CCNI2: variants seen among roughly 807,000 people sequenced by gnomAD.
CCNI2 encodes cyclin I family member 2, also known as cyclin-I2.
Under a neutral mutation model 33.2 loss-of-function variants are expected in CCNI2, and 32 were observed. The observed-to-expected ratio is 0.96, with a 90% CI of 0.73 to 1.30. CCNI2 has a LOEUF of 1.30. CCNI2 is among the 50% of genes most tolerant of loss of function. The pLI is 0.00. For missense variants in CCNI2, 452 were observed against 486.2 expected (o/e 0.93, Z 0.66); for synonymous variants, 231 against 219.9 (o/e 1.05, Z -0.45).
At chr5:132,751,023 C>G in intron 4 of CCNI2, 26 bp downstream of exon 4, 1 of 1,606,876 alleles carries the variant, frequency 6.2e-7, no homozygotes, top group Non-Finnish European at 8.5e-7. Context: ...TTTACAGAGT[C>G]TACCCTAAAC....
In CCNI2 at chr5:132,751,977, G is replaced by A; in HGVS notation, c.786G>A (p.Leu262=). The A allele has an allele frequency of 6.2e-7, 1 of 1,610,910 alleles. No individual in the cohort carries two copies. Among genetic ancestry groups the A allele is most frequent in the Non-Finnish European group, 8.5e-7 (1 of 1,178,776 alleles). The change falls in exon 5 of 6, where the codon CTG becomes CTA. Residue 262 remains leucine, a synonymous_variant. Transcript: ENST00000378731. ...ACCATGGTCTCCAGTTCCATGCCCT[G>A]GTGGTCCTGAGCTGGCCCCATGTGT... The part of the protein sequence containing the change: ...PLDFLTIFHA[L]VVLSWPHVLE...
chr5:132,750,975 C>T lies in CCNI2; in HGVS notation c.752C>T (p.Thr251Met), dbSNP rs749993881. The change falls in exon 4 of 6, where the codon ACG becomes ATG. Residue 251 changes from threonine (T) to methionine (M), a missense_variant. By Grantham distance (81) the Thr-to-Met change is moderately conservative. Transcript: ENST00000378731. ...DRLHWDLYIG[T>M]PLDFLTIFHA... ...CTGCACTGGGACCTCTATATTGGGACGCCGCTGGACTTCTTGACTATAGTG... is the reference window on the plus strand; with the variant it reads ...CTGCACTGGGACCTCTATATTGGGATGCCGCTGGACTTCTTGACTATAGTG... The T allele has an allele frequency of 2.9e-5, 47 of 1,613,904 alleles. No homozygotes were observed. Among genetic ancestry groups the T allele is most frequent in the Admixed American group, 1.8e-4 (11 of 59,940 alleles).
At chr5:132,752,766 T>C (rs1296232524) in intron 5 of CCNI2, 100 bp from the exon 6 acceptor site, 5 of 980,560 alleles carry the variant, frequency 5.1e-6, no homozygotes, top group Non-Finnish European at 7.8e-6. Context: ...TGGTTGGACC[T>C]TCCTGAACTT....
chr5:132,747,949 T>C lies in CCNI2; in HGVS notation c.429+25T>C. 7.3e-7 allele frequency: 1 copy of C among 1,362,298 alleles called. No homozygotes were observed. Among genetic ancestry groups the C allele is most frequent in the South Asian group, 1.8e-5 (1 of 56,848 alleles). The allele number at this position is 1,362,298 out of a possible 1,614,324, so 84.4% of individuals were successfully genotyped here. A position where few individuals can be genotyped will look rare whatever the true frequency, so the allele number is the denominator to read the frequency against. ...GGTACCCGTCGCTGCCGCGTGGCCC[T>C]CCTCGCGCGTGCACGGCAGGCGGAT... On this transcript the variant is annotated intron_variant, in intron 1 of 5. Transcript: ENST00000378731. The surrounding 1 kb of genome is among the most constrained non-coding windows in gnomAD (Gnocchi z 4.1).
At position 132,747,930 on chromosome 5, in the gene CCNI2, C is replaced by A; in HGVS notation, c.429+6C>A. On this transcript the variant is annotated splice_donor_region_variant and intron_variant, in intron 1 of 5. Coordinates refer to ENST00000378731, the MANE Select transcript of CCNI2 (RefSeq NM_001039780.4). This position sits in a 1 kb window ranked among gnomAD's most constrained non-coding sequence, Gnocchi z 4.1. Reference sequence around the variant, plus strand: ...GGCGGGGCGGCAAACCCCAGGTACCCGTCGCTGCCGCGTGGCCCTCCTCGC... The same window carrying A: ...GGCGGGGCGGCAAACCCCAGGTACCAGTCGCTGCCGCGTGGCCCTCCTCGC... 4 of 1,372,148 alleles carry A rather than the reference C, an allele frequency of 2.9e-6. No homozygotes were observed. Among genetic ancestry groups the A allele is most frequent in the South Asian group, 1.7e-5 (1 of 58,914 alleles). 85.0% of individuals were successfully genotyped at this position (1,372,148 alleles called of 1,614,324 possible).
intron 2 of CCNI2, 105 bp downstream of exon 2, chr5:132,748,580 G>C: frequency 7.0e-7 from 1 of 1,432,996 alleles, no homozygotes; most frequent in East Asian, 2.3e-5. Context: ...TCAAAACCAA[G>C]GTGTATAAAC....
At position 132,753,541 on chromosome 5, in the gene CCNI2, CCCTTTA is replaced by C. The variant is rs1755044991; in HGVS notation, c.*573_*578del. The stretch of plus-strand genomic sequence containing the variant: ...CAACCATGGCTATGACTTATGTCTT[CCCTTTA>C]CAAGGACTGGATTATAAAGTATGCT... On this transcript the variant is annotated 3_prime_UTR_variant, in exon 6 of 6. Coordinates refer to ENST00000378731, the MANE Select transcript of CCNI2 (RefSeq NM_001039780.4). 6.5e-6 allele frequency: 1 copy of C among 153,676 alleles called. No individual in the cohort carries two copies. The highest frequency in any genetic ancestry group is 2.4e-5 in the African/African-American group (1 of 41,456). 9.5% of individuals were successfully genotyped at this position (153,676 alleles called of 1,614,324 possible). A position where few individuals can be genotyped will look rare whatever the true frequency, so the allele number is the denominator to read the frequency against.
intron 3 of CCNI2, 119 bp downstream of exon 3, chr5:132,749,541 C>G (rs1437915895): frequency 2.5e-6 from 2 of 797,586 alleles, no homozygotes; most frequent in Admixed American, 4.3e-5. Flanking sequence ...TTGAAAAAGT[C>G]ACCAACTTGC....
intron 5 of CCNI2, 132 bp from the exon 6 acceptor site, chr5:132,752,734 G>A: frequency 1.5e-6 from 1 of 666,950 alleles, no homozygotes; most frequent in Non-Finnish European, 2.6e-6. Context: ...TGAGATGGTA[G>A]GATTAGTGGT....
Position 132,754,204 on chromosome 5 carries a change from C to T in CCNI2, c.*1234C>T. On this transcript the variant is annotated 3_prime_UTR_variant, in exon 6 of 6. Transcript: ENST00000378731. The stretch of plus-strand genomic sequence containing the variant: ...TTATTTTGAGCTACCATGCATTTAG[C>T]CTTGCGAGAGTCAGATACATTTGGA... 3.7e-6 allele frequency: 2 copies of T among 541,972 alleles called. No individual in the cohort carries two copies. Among genetic ancestry groups the T allele is most frequent in the Non-Finnish European group, 6.6e-6 (2 of 301,796 alleles). The allele number at this position is 541,972 out of a possible 1,614,324, so 33.6% of individuals were successfully genotyped here.
chr5:132,750,057 G>A (rs1343073053), intron 3 of CCNI2, among the ~76,000 whole-genome samples: 4 of 152,176 alleles, frequency 2.6e-5, no homozygotes, highest in Admixed American at 6.5e-5. Context: ...CCATTGCCAC[G>A]GGGGTCACCC....
Position 132,752,847 on chromosome 5 carries a change from C to A in CCNI2, c.1006-19C>A. 6.3e-7 allele frequency: 1 copy of A among 1,594,306 alleles called. No individual in the cohort carries two copies. Among genetic ancestry groups the A allele is most frequent in the Non-Finnish European group, 8.6e-7 (1 of 1,163,098 alleles). On this transcript the variant is annotated intron_variant, in intron 5 of 5. Transcript: ENST00000378731. ...GTATGATGGTTCTGCTTGAAGATGGCCACTCTATTCTAATACAGGTTGGTG... is the reference window on the plus strand; with the variant it reads ...GTATGATGGTTCTGCTTGAAGATGGACACTCTATTCTAATACAGGTTGGTG...
rs574656204 is a variant in CCNI2 at position 132,748,295 on chromosome 5, A to G, written c.430-52A>G. Reference sequence around the variant, plus strand: ...AGGAGGCTCCTGCTGCTGGGGGACCAGGAGTGGCCGCTAGCGACCTTCCTC... The same window carrying G: ...AGGAGGCTCCTGCTGCTGGGGGACCGGGAGTGGCCGCTAGCGACCTTCCTC... On this transcript the variant is annotated intron_variant, in intron 1 of 5. Coordinates refer to ENST00000378731, the MANE Select transcript of CCNI2 (RefSeq NM_001039780.4). The G allele has an allele frequency of 4.4e-6, 7 of 1,604,010 alleles. No individual in the cohort carries two copies. In the East Asian group the frequency reaches 1.3e-4, roughly 31 times the overall value.
At chr5:132,748,038 G>A (rs1440936844) in intron 1 of CCNI2, 114 bp downstream of exon 1, 1 of 1,167,570 alleles carries the variant, frequency 8.6e-7, no homozygotes, top group African/African-American at 1.6e-5. Flanking sequence ...TTCCCCAGGT[G>A]TGGCCCCTCA....
chr5:132,752,778 C>G lies in CCNI2; in HGVS notation c.1006-88C>G, dbSNP rs937554802. On this transcript the variant is annotated intron_variant, in intron 5 of 5. Transcript: ENST00000378731. The stretch of plus-strand genomic sequence containing the variant: ...GGGTGGTTGGACCTTCCTGAACTTG[C>G]TTCATGCTAACATTTTGGCACTCAA... 4.4e-6 allele frequency: 5 copies of G among 1,141,210 alleles called. No individual in the cohort carries two copies. In the African/African-American group the frequency reaches 4.5e-5, roughly 10 times the overall value. The allele number at this position is 1,141,210 out of a possible 1,614,324, so 70.7% of individuals were successfully genotyped here. A position where few individuals can be genotyped will look rare whatever the true frequency, so the allele number is the denominator to read the frequency against.
At chr5:132,749,858 AC>A (rs577622687) in intron 3 of CCNI2, among the ~76,000 whole-genome samples, 138 of 152,178 alleles carry the variant, frequency 9.1e-4, no homozygotes, top group Non-Finnish European at 1.6e-3. Flanking sequence ...GAACTCTGGG[AC>A]CCCTGAGAGG....
downstream of CCNI2, among the ~76,000 whole-genome samples, chr5:132,755,704 G>A (rs1755265606): frequency 6.6e-6 from 1 of 152,208 alleles, no homozygotes; most frequent in Non-Finnish European, 1.5e-5. Context: ...CTCAAGGGCA[G>A]GTGCCCCTTT....
In CCNI2 at chr5:132,753,683, TATTATAGGCTAAC is replaced by T. The variant is rs1755058083; in HGVS notation, c.*715_*727del. On this transcript the variant is annotated 3_prime_UTR_variant, in exon 6 of 6. Coordinates refer to ENST00000378731, the MANE Select transcript of CCNI2 (RefSeq NM_001039780.4). ...GAGGGATTTTGTGCTAATGAATGGG[TATTATAGGCTAAC>T]ACCTGTGATGGGAGGCACAGCTCTG... 1 of 152,526 alleles carries T rather than the reference TATTATAGGCTAAC, an allele frequency of 6.6e-6. No homozygotes were observed. The highest frequency in any genetic ancestry group is 2.4e-5 in the African/African-American group (1 of 41,462). The allele number at this position is 152,526 out of a possible 1,614,324, so 9.4% of individuals were successfully genotyped here.
Position 132,747,735 on chromosome 5 carries a change from C to A in CCNI2, c.240C>A (p.Arg80=). ...ASAAVPVRPR[R]GTAPAGKTAD... is the part of the protein sequence containing the mutation. ...CAGCAGTCCCCGTGCGGCCCCGGCG[C>A]GGTACGGCGCCAGCCGGGAAAACCG... Residue 80 remains arginine (R), a synonymous_variant, in exon 1 of 6, where the codon CGC becomes CGA. Coordinates refer to ENST00000378731, the MANE Select transcript of CCNI2 (RefSeq NM_001039780.4). The surrounding 1 kb of genome is among the most constrained non-coding windows in gnomAD (Gnocchi z 4.1). The A allele has an allele frequency of 6.8e-7, 1 of 1,472,542 alleles. No individual in the cohort carries two copies. The highest frequency in any genetic ancestry group is 8.9e-7 in the Non-Finnish European group (1 of 1,120,124). 91.2% of individuals were successfully genotyped at this position (1,472,542 alleles called of 1,614,324 possible).
Sources: gnomAD v4.1 joint callset for allele counts (sites outside exome capture counted in the v4.1 genomes callset) on GRCh38, gnomAD v4.1.1 for gene constraint, Gnocchi (gnomAD v3.1) non-coding constraint, MANE v1.5 for transcripts, NCBI Gene and HGNC (gene_info 2026-07-23, HGNC 2026-07-21) for gene names.